UBR2: variants seen among roughly 807,000 people sequenced by gnomAD.
UBR2 encodes the protein ubiquitin protein ligase E3 component n-recognin 2, also known as E3 ubiquitin-protein ligase UBR2.
A neutral mutation model predicts 247.9 loss-of-function variants in UBR2; 92 were observed. The observed-to-expected ratio is 0.37, with a 90% confidence interval of 0.31 to 0.44. The LOEUF (loss-of-function observed/expected upper bound fraction) is 0.44. UBR2 is among the 20% of genes least tolerant of loss of function. The pLI is 1.00. For synonymous variants in UBR2, 672 were observed against 693.5 expected (o/e 0.97, Z 0.49); for missense variants, 1,613 against 2,112.6 (o/e 0.76, Z 4.64).
intron 2 of UBR2, among the ~76,000 whole-genome samples, chr6:42,579,304 C>A (rs756631073): frequency 6.6e-6 from 1 of 152,036 alleles, no homozygotes; most frequent in African/African-American, 2.4e-5. Context: ...CACAAAAACT[C>A]TCTATTGGGA....
intron 7 of UBR2, among the ~76,000 whole-genome samples, chr6:42,608,063 T>G (rs1203751199): frequency 6.6e-6 from 1 of 152,176 alleles, no homozygotes; most frequent in East Asian, 1.9e-4. Flanking sequence ...ATTAGGATGT[T>G]TTCAGTTTTT....
At chr6:42,680,844 G>T (rs1349926165) in intron 42 of UBR2, among the ~76,000 whole-genome samples, 3 of 152,166 alleles carry the variant, frequency 2.0e-5, no homozygotes, top group African/African-American at 7.2e-5. Flanking sequence ...AGAAGTGGGA[G>T]GATCACTTGA....
At chr6:42,645,761 GA>G (rs777502003) in intron 21 of UBR2, among the ~76,000 whole-genome samples, 171 bp downstream of exon 21, 4 of 152,144 alleles carry the variant, frequency 2.6e-5, no homozygotes, top group Non-Finnish European at 5.9e-5. Context: ...AAGAGAATAG[GA>G]GTAGAAAACA....
intron 16 of UBR2, among the ~76,000 whole-genome samples, 181 bp downstream of exon 16, chr6:42,640,451 G>T (rs57635191): frequency 0.021 from 3,150 of 150,904 alleles, 98 homozygotes; most frequent in African/African-American, 0.072. Flanking sequence ...TACATATATA[G>T]AGAGAGAGAG....
At chr6:42,667,347 A>AG (rs1474458973) in intron 34 of UBR2, among the ~76,000 whole-genome samples, 3 of 151,666 alleles carry the variant, frequency 2.0e-5, no homozygotes, top group Admixed American at 2.0e-4. Flanking sequence ...AAAAAAAAAA[A>AG]AAGAAAAAGA....
chr6:42,684,813 A>G lies in UBR2; in HGVS notation c.4795A>G (p.Lys1599Glu). 6.2e-7 allele frequency: 1 copy of G among 1,609,664 alleles called. No individual in the cohort carries two copies. ...TTTCAGATATCCAAGAGAATCTAAC[A>G]AATTAATAAACCTTCCAGAGGATTA... ...DAIRYPRESN[K>E]LINLPEDYSS... Residue 1599 changes from lysine to glutamate, a missense_variant, in exon 44 of 47, where the codon AAA becomes GAA. Around this residue, in one of 3 missense-constraint regions of UBR2, gnomAD observed 1,524 missense variants for 1,967.3 expected, o/e 0.77. Transcript: ENST00000372901.
At chr6:42,687,468 A>G (rs1309706900) in intron 44 of UBR2, among the ~76,000 whole-genome samples, 1 of 152,130 alleles carries the variant, frequency 6.6e-6, no homozygotes, top group Non-Finnish European at 1.5e-5. Context: ...TCAGAGGGAG[A>G]CTGTGCAAAG....
chr6:42,564,308 G>A lies in UBR2; in HGVS notation c.-12G>A. The A allele has an allele frequency of 6.2e-7, 1 of 1,607,486 alleles. No homozygotes were observed. The highest frequency in any genetic ancestry group is 8.5e-7 in the Non-Finnish European group (1 of 1,177,666). On this transcript the variant is annotated 5_prime_UTR_variant, in exon 1 of 47. Transcript: ENST00000372901. ...CGGGCGGCGGTAGCGCTGGGGAGGA[G>A]GAGGAGAGAAGATGGCGTCGGAGCT...
intron 1 of UBR2, among the ~76,000 whole-genome samples, chr6:42,572,715 CTT>C (rs113520755): frequency 7.7e-5 from 11 of 142,166 alleles, no homozygotes; most frequent in African/African-American, 7.7e-5. Context: ...AGAAGTGAGT[CTT>C]TTTTTTTTTT....
chr6:42,609,451 TC>T (rs1362334929), intron 7 of UBR2, among the ~76,000 whole-genome samples: 1 of 152,028 alleles, frequency 6.6e-6, no homozygotes, highest in African/African-American at 2.4e-5. Context: ...AACTAACAGA[TC>T]TTTAGAAATG....
At chr6:42,654,343 T>C (rs1797308712) in intron 25 of UBR2, among the ~76,000 whole-genome samples, 1 of 152,170 alleles carries the variant, frequency 6.6e-6, no homozygotes, top group Admixed American at 6.6e-5. Flanking sequence ...TTGCTTTATG[T>C]CACCTAGTTC....
At chr6:42,613,288 A>G (rs190803949) in intron 8 of UBR2, among the ~76,000 whole-genome samples, 6 of 152,344 alleles carry the variant, frequency 3.9e-5, no homozygotes, top group Admixed American at 3.9e-4. Context: ...TGACATTCAG[A>G]TGTTTACTGT....
At chr6:42,630,680 A>C (rs1316860612) in intron 11 of UBR2, among the ~76,000 whole-genome samples, 2 of 152,184 alleles carry the variant, frequency 1.3e-5, no homozygotes, top group Admixed American at 1.3e-4. Flanking sequence ...TGAAGTTTTC[A>C]AACTCAGTTT....
chr6:42,573,775 G>A lies in UBR2; in HGVS notation c.120G>A (p.Gln40=), dbSNP rs1254532595. The part of the protein sequence containing the change: ...QATDLTREVY[Q]HLAHYVPKIY... ...CTGACCTCACTAGAGAAGTGTACCA[G>A]CATTTAGCCCACTATGTACCCAAAA... is the stretch of plus-strand genomic sequence containing the variant. Residue 40 remains glutamine (Q), a synonymous_variant, in exon 2 of 47, where the codon CAG becomes CAA. Coordinates refer to ENST00000372901, the MANE Select transcript of UBR2 (RefSeq NM_001363705.2). The A allele has an allele frequency of 2.5e-6, 4 of 1,606,262 alleles. No homozygotes were observed. The highest frequency in any genetic ancestry group is 3.4e-6 in the Non-Finnish European group (4 of 1,175,524).
intron 15 of UBR2, among the ~76,000 whole-genome samples, chr6:42,638,481 G>A (rs2151955603): frequency 6.6e-6 from 1 of 152,208 alleles, no homozygotes; most frequent in East Asian, 1.9e-4. Context: ...TTATAAAGTT[G>A]TTATTCCTAG....
intron 6 of UBR2, 87 bp from the exon 7 acceptor site, chr6:42,606,502 T>C (rs988471264): frequency 4.5e-5 from 51 of 1,131,934 alleles, no homozygotes; most frequent in Non-Finnish European, 5.8e-5. Context: ...AGAATTGTTA[T>C]ATGCTTAAAC....
intron 11 of UBR2, among the ~76,000 whole-genome samples, chr6:42,629,518 G>A (rs1391753054): frequency 2.6e-5 from 4 of 151,928 alleles, no homozygotes; most frequent in Non-Finnish European, 5.9e-5. Flanking sequence ...TTAGCCAAGC[G>A]TGGTGGCACA....
Position 42,612,101 on chromosome 6 carries a change from A to G in UBR2, c.865-70A>G, listed in dbSNP as rs1409346680. The G allele has an allele frequency of 3.6e-6, 5 of 1,390,430 alleles. No homozygotes were observed. In the Admixed American group the frequency reaches 1.1e-4, roughly 30 times the overall value. 86.1% of individuals were successfully genotyped at this position (1,390,430 alleles called of 1,614,324 possible). On this transcript the variant is annotated intron_variant, in intron 7 of 46. Coordinates refer to ENST00000372901, the MANE Select transcript of UBR2 (RefSeq NM_001363705.2). ...GATAGTGTGGTTATATTAAGTAAAA[A>G]TAATAACTTTGTTCTGCCAATAGAA... is the stretch of plus-strand genomic sequence containing the variant.
intron 25 of UBR2, among the ~76,000 whole-genome samples, chr6:42,653,933 C>T (rs1162097360): frequency 3.3e-5 from 5 of 152,064 alleles, no homozygotes; most frequent in Admixed American, 2.6e-4. Flanking sequence ...AAGCACTCTG[C>T]ATACAGTATT....
Sources: gnomAD v4.1 joint callset for allele counts (sites outside exome capture counted in the v4.1 genomes callset) on GRCh38, gnomAD v4.1.1 for gene constraint, gnomAD v4.1.1 regional missense constraint, MANE v1.5 for transcripts, NCBI Gene and HGNC (gene_info 2026-07-23, HGNC 2026-07-21) for gene names.